KIF5A: variants seen among roughly 807,000 people sequenced by gnomAD.
The protein encoded by KIF5A is kinesin heavy chain isoform 5A.
In KIF5A, 35 loss-of-function variants were observed where a neutral mutation model predicts 141.3. The ratio of observed to expected loss-of-function variants is 0.25; its 90% CI spans 0.19 to 0.33. The LOEUF is 0.33. KIF5A is among the 10% of genes least tolerant of loss of function. The pLI is 1.00. For synonymous variants in KIF5A, 448 were observed against 500.2 expected, an observed-to-expected ratio of 0.90 and a Z score of 1.39; for missense variants, 861 against 1,314.3, an observed-to-expected ratio of 0.66 and a Z score of 5.33.
At position 57,581,859 on chromosome 12, in the gene KIF5A, G is replaced by C; in HGVS notation, c.2910-11G>C. ...GTGTCAGAGGCTGCCTCTTTCCTCTGCTCCATCCAGCTTTGCAAACTCCTG... is the reference window on the plus strand; with the variant it reads ...GTGTCAGAGGCTGCCTCTTTCCTCTCCTCCATCCAGCTTTGCAAACTCCTG... On this transcript the variant is annotated splice_polypyrimidine_tract_variant and intron_variant, in intron 25 of 28. Transcript: ENST00000455537. The C allele has an allele frequency of 6.2e-7, 1 of 1,613,320 alleles. No homozygotes were observed. The highest frequency in any genetic ancestry group is 8.5e-7 in the Non-Finnish European group (1 of 1,179,638).
chr12:57,572,486 C>G lies in KIF5A; in HGVS notation c.1570-94C>G. Reference sequence around the variant, plus strand: ...GGGCCTGTGTTCTCTTCATAGCAGCCCTCAGGGTCTTGCATGAAGGGAGAG... The same window carrying G: ...GGGCCTGTGTTCTCTTCATAGCAGCGCTCAGGGTCTTGCATGAAGGGAGAG... On this transcript the variant is annotated intron_variant, in intron 14 of 28. Transcript: ENST00000455537. The surrounding 1 kb of genome is among the most constrained non-coding windows in gnomAD (Gnocchi z 4.2). 6.5e-7 allele frequency: 1 copy of G among 1,527,416 alleles called. No homozygotes were observed. Among genetic ancestry groups the G allele is most frequent in the Non-Finnish European group, 9.0e-7 (1 of 1,111,102 alleles). 94.6% of individuals were successfully genotyped at this position (1,527,416 alleles called of 1,614,324 possible).
intron 15 of KIF5A, among the ~76,000 whole-genome samples, chr12:57,574,804 A>C (rs1227899523): frequency 2.0e-5 from 3 of 152,086 alleles, no homozygotes; most frequent in Non-Finnish European, 4.4e-5. Context: ...GCTGGTCTCG[A>C]ACTCCTGACC....
At chr12:57,573,438 G>A (rs1348696195) in intron 15 of KIF5A, among the ~76,000 whole-genome samples, 2 of 152,038 alleles carry the variant, frequency 1.3e-5, no homozygotes, top group African/African-American at 4.8e-5. Context: ...GGCTGAGGTG[G>A]GAGAATCACC....
chr12:57,581,618 C>A, intron 25 of KIF5A, 50 bp downstream of exon 25: 1 of 1,600,018 alleles, frequency 6.2e-7, no homozygotes, highest in Non-Finnish European at 8.6e-7. Flanking sequence ...CTCCCTGGAC[C>A]CTAGAAGGCA....
rs2140165328 is a variant in KIF5A, at chr12:57,572,285, G to T, written c.1569+18G>T. On this transcript the variant is annotated intron_variant, in intron 14 of 28. Transcript: ENST00000455537. This position sits in a 1 kb window ranked among gnomAD's most constrained non-coding sequence, Gnocchi z 4.2. Reference sequence around the variant, plus strand: ...AGAAGGTGGTAAGTGGTGTGCCAATGGTCCAACAGCTCCCTGACCACAGAA... The same window carrying T: ...AGAAGGTGGTAAGTGGTGTGCCAATTGTCCAACAGCTCCCTGACCACAGAA... The T allele has an allele frequency of 6.4e-7, 1 of 1,567,366 alleles. No homozygotes were observed. The highest frequency in any genetic ancestry group is 2.4e-5 in the East Asian group (1 of 41,998).
chr12:57,573,565 C>T (rs1244573217), intron 15 of KIF5A, among the ~76,000 whole-genome samples: 7 of 151,666 alleles, frequency 4.6e-5, no homozygotes, highest in Non-Finnish European at 8.8e-5. Context: ...CATGGTGGCT[C>T]ACGCCTGTAA....
rs1882271651 is a variant in KIF5A at position 57,572,067 on chromosome 12, G to A, written c.1369G>A (p.Val457Met). The A allele has an allele frequency of 6.2e-7, 1 of 1,613,052 alleles. No individual in the cohort carries two copies. The highest frequency in any genetic ancestry group is 8.5e-7 in the Non-Finnish European group (1 of 1,179,944). ...CCACTCCTCTCCCTTGAAGCTGCTG[G>A]TGTCCACCCGAGGAGACAACGAGAA... ...QQMLDQEELLVSTRGDNEKVQ... is the reference protein window; with the variant it reads ...QQMLDQEELLMSTRGDNEKVQ... Residue 457 changes from valine to methionine, a missense_variant, in exon 14 of 29, where the codon GTG becomes ATG. By Grantham distance (21) the Val-to-Met change is conservative. Around this residue, in one of 5 missense-constraint regions of KIF5A, gnomAD observed 167 missense variants for 192.0 expected, o/e 0.87. Transcript: ENST00000455537. This position sits in a 1 kb window ranked among gnomAD's most constrained non-coding sequence, Gnocchi z 4.2.
intron 9 of KIF5A, 25 bp downstream of exon 9, chr12:57,569,092 C>G (rs776770492): frequency 6.3e-7 from 1 of 1,584,828 alleles, no homozygotes; most frequent in African/African-American, 1.3e-5. Flanking sequence ...GGTCCCCTCA[C>G]CCCTCAAGCC....
intron 15 of KIF5A, among the ~76,000 whole-genome samples, chr12:57,573,265 C>T (rs1882311760): frequency 6.6e-6 from 1 of 152,130 alleles, no homozygotes; most frequent in Non-Finnish European, 1.5e-5. Flanking sequence ...CATGGTGGTT[C>T]ATGCCTGTAA....
chr12:57,557,289 A>C (rs1284530032), intron 1 of KIF5A, among the ~76,000 whole-genome samples: 2 of 152,098 alleles, frequency 1.3e-5, no homozygotes, highest in Non-Finnish European at 2.9e-5. Context: ...TTGGCTTGAG[A>C]TAGACATATT....
intron 6 of KIF5A, among the ~76,000 whole-genome samples, chr12:57,566,375 A>G (rs182477620): frequency 6.8e-6 from 1 of 148,048 alleles, no homozygotes. Flanking sequence ...GTGTGCTGGC[A>G]TTACAGGCAT....
chr12:57,577,969 TG>T, intron 21 of KIF5A, 39 bp from the exon 22 acceptor site: 1 of 1,510,570 alleles, frequency 6.6e-7, no homozygotes, highest in Non-Finnish European at 9.2e-7. Context: ...AGGACAGACC[TG>T]GTATCTGGCT....
At chr12:57,558,663 G>C (rs1211354938) in intron 1 of KIF5A, among the ~76,000 whole-genome samples, 9 of 152,374 alleles carry the variant, frequency 5.9e-5, no homozygotes, top group African/African-American at 1.9e-4. Context: ...GACAGAGCAA[G>C]ACTCTTGTCT....
At chr12:57,559,120 C>T (rs1881833558) in intron 1 of KIF5A, among the ~76,000 whole-genome samples, 1 of 152,220 alleles carries the variant, frequency 6.6e-6, no homozygotes, top group African/African-American at 2.4e-5. Context: ...TTAACCAGGC[C>T]TCTGTTGGTG....
chr12:57,570,935 G>T (rs1882234267), intron 12 of KIF5A, among the ~76,000 whole-genome samples: 1 of 150,530 alleles, frequency 6.6e-6, no homozygotes, highest in South Asian at 2.1e-4. Context: ...TGGGACTACA[G>T]GTGCACACCA....
At position 57,576,294 on chromosome 12, in the gene KIF5A, G is replaced by A. The variant is rs1379699288; in HGVS notation, c.2114G>A (p.Ser705Asn). 1 of 1,614,108 alleles carries A rather than the reference G, an allele frequency of 6.2e-7. No homozygotes were observed. The highest frequency in any genetic ancestry group is 2.2e-5 in the East Asian group (1 of 44,882). Residue 705 changes from serine to asparagine, a missense_variant, in exon 19 of 29, where the codon AGT (serine) becomes AAT (asparagine). By Grantham distance (46) the Ser-to-Asn change is conservative. This residue lies in a region of KIF5A where 482 missense variants were observed against 661.3 expected (regional missense o/e 0.73). Coordinates refer to ENST00000455537, the MANE Select transcript of KIF5A (RefSeq NM_004984.4). ...AAGGCTCTGGAGCTGCAGATGGAGA[G>A]TCACCGGGAGGCCCATCACCGGCAG... ...VKKALELQMESHREAHHRQLA... is the reference protein window; with the variant it reads ...VKKALELQMENHREAHHRQLA...
chr12:57,567,065 A>T, intron 6 of KIF5A, 61 bp from the exon 7 acceptor site: 1 of 924,054 alleles, frequency 1.1e-6, no homozygotes, highest in South Asian at 1.7e-5. Flanking sequence ...ATAAAAATAA[A>T]TAAATAAATA....
chr12:57,580,744 C>G (rs529470218), intron 23 of KIF5A, among the ~76,000 whole-genome samples: 1 of 152,322 alleles, frequency 6.6e-6, no homozygotes, highest in Non-Finnish European at 1.5e-5. Context: ...TGACCACCCA[C>G]CCTTCGCTCT....
Position 57,564,068 on chromosome 12 carries a change from C to T in KIF5A, c.292-40C>T, listed in dbSNP as rs755859551. The T allele has an allele frequency of 2.0e-5, 29 of 1,441,554 alleles. No individual in the cohort carries two copies. The South Asian group carries it at 3.1e-4, about 15-fold the overall frequency. The allele number at this position is 1,441,554 out of a possible 1,614,324, so 89.3% of individuals were successfully genotyped here. The stretch of plus-strand genomic sequence containing the variant: ...ATACATCTGAGTTGTCTCATTCTCC[C>T]TGAGCCCCAGCTTCACTCTCAAATA... On this transcript the variant is annotated intron_variant, in intron 3 of 28. Coordinates refer to ENST00000455537, the MANE Select transcript of KIF5A (RefSeq NM_004984.4).
Sources: allele counts gnomAD v4.1 joint callset (sites outside exome capture counted in the v4.1 genomes callset), GRCh38; gene constraint gnomAD v4.1.1; regional missense constraint gnomAD v4.1.1; non-coding constraint Gnocchi (gnomAD v3.1); transcripts MANE v1.5; gene names NCBI Gene and HGNC (gene_info 2026-07-23, HGNC 2026-07-21).